The following SKAP1 variants were observed in gnomAD, a reference collection of about 807,000 sequenced individuals.
SKAP1 encodes the protein src kinase associated phosphoprotein 1.
A neutral mutation model predicts 58.5 loss-of-function variants in SKAP1; 44 were observed. That is an observed-to-expected ratio of 0.75 (90% confidence interval 0.59 to 0.97). The LOEUF (loss-of-function observed/expected upper bound fraction) is 0.97, where lower values mean the gene tolerates loss of function less well. Ranked by LOEUF, SKAP1 falls within the 50% of genes least tolerant of loss-of-function variation. The probability of loss-of-function intolerance (pLI) is 0.00; values close to 1 mark genes in which losing one functional copy is unlikely to be tolerated. For missense variants in SKAP1, 390 were observed against 435.2 expected, an observed-to-expected ratio of 0.90 and a Z score of 0.92; for synonymous variants, 127 against 149.7, an observed-to-expected ratio of 0.85 and a Z score of 1.11.
chr17:48,316,895 T>C (rs1567865395), intron 4 of SKAP1, among the ~76,000 whole-genome samples: 1 of 152,196 alleles, frequency 6.6e-6, no homozygotes, highest in Non-Finnish European at 1.5e-5. Flanking sequence ...ATTTCTTTTA[T>C]ACCATTCTTA....
At chr17:48,140,894 C>A (rs942552780) in intron 11 of SKAP1, among the ~76,000 whole-genome samples, 4 of 151,726 alleles carry the variant, frequency 2.6e-5, no homozygotes, top group African/African-American at 9.7e-5. Flanking sequence ...TCAAGCAATT[C>A]TCCTGCCTCA....
At chr17:48,351,416 T>C (rs1247533641) in intron 3 of SKAP1, among the ~76,000 whole-genome samples, 1 of 152,184 alleles carries the variant, frequency 6.6e-6, no homozygotes, top group Non-Finnish European at 1.5e-5. Context: ...ACAGTCGGAC[T>C]TTCTGCCTAT....
chr17:48,346,528 G>T (rs918189086), intron 3 of SKAP1, among the ~76,000 whole-genome samples: 1 of 151,954 alleles, frequency 6.6e-6, no homozygotes, highest in Non-Finnish European at 1.5e-5. Context: ...GGAGGCTAGG[G>T]CAGGAGAATC....
At chr17:48,237,117 G>C (rs1328821280) in intron 4 of SKAP1, among the ~76,000 whole-genome samples, 2 of 152,198 alleles carry the variant, frequency 1.3e-5, no homozygotes, top group African/African-American at 4.8e-5. Context: ...CCACTTACTT[G>C]TTGTTAGTTC....
intron 3 of SKAP1, among the ~76,000 whole-genome samples, chr17:48,359,986 C>G (rs979070519): frequency 6.6e-6 from 1 of 152,136 alleles, no homozygotes; most frequent in South Asian, 2.1e-4. Context: ...TTAAGCTTCA[C>G]AAAGTAGAAT....
rs532097445 is a variant in SKAP1, at chr17:48,387,014, C to T, written c.152+9666G>A. Among the ~76,000 whole-genome samples the T allele has an allele frequency of 9.2e-5, 14 of 152,264 alleles. No individual in the cohort carries two copies. In the South Asian group the frequency reaches 2.9e-3, roughly 32 times the overall value. ...GAGTCTTACTTATTCTGAATTTTAA[C>T]CATTTTAGGATCAGCAAACATATGC... On this transcript the variant is annotated intron_variant, in intron 2 of 12. Coordinates refer to ENST00000336915, the MANE Select transcript of SKAP1 (RefSeq NM_003726.4).
At chr17:48,421,383 A>G (rs2067791908) in intron 1 of SKAP1, among the ~76,000 whole-genome samples, 2 of 150,358 alleles carry the variant, frequency 1.3e-5, no homozygotes, top group Admixed American at 1.3e-4. Flanking sequence ...GGCTCACTGC[A>G]ACCTCTGCCT....
chr17:48,285,213 G>T (rs1300827069), intron 4 of SKAP1, among the ~76,000 whole-genome samples: 8 of 152,156 alleles, frequency 5.3e-5, no homozygotes, highest in Non-Finnish European at 1.0e-4. Flanking sequence ...TTGAATAAGG[G>T]AATAAGATGG....
chr17:48,410,768 A>T (rs1476367196), intron 1 of SKAP1, among the ~76,000 whole-genome samples: 1 of 151,754 alleles, frequency 6.6e-6, no homozygotes, highest in Non-Finnish European at 1.5e-5. Flanking sequence ...CTCTACTAAA[A>T]ATACAAAAAT....
chr17:48,242,114 C>T (rs115271198), intron 4 of SKAP1, among the ~76,000 whole-genome samples: 10,584 of 152,278 alleles, frequency 0.07, 415 homozygotes, highest in Middle Eastern at 0.088. Context: ...ACTGCTTCTC[C>T]TGGAAGCTTT....
chr17:48,236,230 G>C (rs2065178982), intron 4 of SKAP1, among the ~76,000 whole-genome samples: 1 of 152,160 alleles, frequency 6.6e-6, no homozygotes, highest in Admixed American at 6.5e-5. Flanking sequence ...GTACTGGAGA[G>C]ACAAAGATGA....
intron 2 of SKAP1, among the ~76,000 whole-genome samples, chr17:48,374,434 C>A (rs1300279898): frequency 6.6e-6 from 1 of 152,114 alleles, no homozygotes; most frequent in African/African-American, 2.4e-5. Flanking sequence ...CTCTCTTGAC[C>A]ATCTCTGTTC....
At chr17:48,201,971 T>C (rs2064733688) in intron 4 of SKAP1, among the ~76,000 whole-genome samples, 1 of 152,216 alleles carries the variant, frequency 6.6e-6, no homozygotes. Context: ...ATTTTCCTTT[T>C]GAGCTTTTAC....
chr17:48,176,492 C>T (rs77053784), intron 9 of SKAP1, among the ~76,000 whole-genome samples: 4,117 of 152,202 alleles, frequency 0.027, 173 homozygotes, highest in African/African-American at 0.092. Context: ...GAAAAGCCTC[C>T]ATTTTCTACA....
At chr17:48,175,031 A>C (rs531828465) in intron 9 of SKAP1, among the ~76,000 whole-genome samples, 1 of 152,272 alleles carries the variant, frequency 6.6e-6, no homozygotes, top group Non-Finnish European at 1.5e-5. Flanking sequence ...GATTTCAATA[A>C]ACATTCTTGG....
chr17:48,148,227 G>A (rs907677803), intron 11 of SKAP1, among the ~76,000 whole-genome samples: 7 of 152,202 alleles, frequency 4.6e-5, no homozygotes, highest in African/African-American at 9.7e-5. Flanking sequence ...GTGGGTGTGT[G>A]CAAGTGTATG....
Position 48,353,938 on chromosome 17 carries a change from G to GGAAGAAGAA in SKAP1, c.179-7941_179-7933dup, listed in dbSNP as rs10695123. On this transcript the variant is annotated intron_variant, in intron 3 of 12. Transcript: ENST00000336915. ...GAAAAGAAAAGAAGAAAGAAGAAGAGGAAGAAGAAGAAGAAGAAGAAGAGG... is the reference window on the plus strand; with the variant it reads ...GAAAAGAAAAGAAGAAAGAAGAAGAGGAAGAAGAAGAAGAAGAAGAAGAAGAAGAAGAGG... Among the ~76,000 whole-genome samples, 822 of 144,782 alleles carry GGAAGAAGAA rather than the reference G, an allele frequency of 5.7e-3. 4 individuals carry two copies. The highest frequency in any genetic ancestry group is 0.017 in the African/African-American group (666 of 39,118). 95.0% of individuals were successfully genotyped at this position (144,782 alleles called of 152,430 possible).
At chr17:48,302,345 T>C (rs2066070115) in intron 4 of SKAP1, among the ~76,000 whole-genome samples, 2 of 152,068 alleles carry the variant, frequency 1.3e-5, no homozygotes, top group South Asian at 2.1e-4. Context: ...GAAGAACACA[T>C]ATTCTTACTT....
At chr17:48,402,191 A>G (rs1454168122) in intron 1 of SKAP1, among the ~76,000 whole-genome samples, 1 of 152,248 alleles carries the variant, frequency 6.6e-6, no homozygotes, top group Non-Finnish European at 1.5e-5. Context: ...CAGTGCAGCC[A>G]CTTAGAAAAA....
Sources: allele counts gnomAD v4.1 joint callset (sites outside exome capture counted in the v4.1 genomes callset), GRCh38; gene constraint gnomAD v4.1.1; transcripts MANE v1.5; gene names NCBI Gene and HGNC (gene_info 2026-07-23, HGNC 2026-07-21).